Variants in PBRM1 observed in about 807,000 individuals in gnomAD.
PBRM1 encodes polybromo 1.
In PBRM1, 27 loss-of-function variants were observed where a neutral mutation model predicts 194.5. The ratio of observed to expected loss-of-function variants is 0.14; its 90% confidence interval spans 0.10 to 0.19. The LOEUF (loss-of-function observed/expected upper bound fraction) is 0.19, where lower values mean the gene tolerates loss of function less well. Ranked by LOEUF, PBRM1 falls within the 10% of genes least tolerant of loss-of-function variation. PBRM1 has a pLI of 1.00. For synonymous variants in PBRM1, 655 were observed against 693.2 expected (o/e 0.94, Z 0.87); for missense variants, 1,466 against 2,077.2 (o/e 0.71, Z 5.72).
intron 4 of PBRM1, among the ~76,000 whole-genome samples, chr3:52,660,073 AGAGCAAGACACTGTCTC>A (rs1372530412): frequency 3.3e-5 from 5 of 152,254 alleles, no homozygotes; most frequent in Admixed American, 6.5e-5. Flanking sequence ...CCTGGGCCAA[AGAGCAAGACACTGTCTC>A]AAAAAAACAA....
chr3:52,677,232 A>G (rs1036775154), intron 2 of PBRM1, among the ~76,000 whole-genome samples: 1 of 152,148 alleles, frequency 6.6e-6, no homozygotes, highest in Admixed American at 6.5e-5. Flanking sequence ...CCTTTTGTAC[A>G]TCTAAGGACA....
At chr3:52,626,498 C>T (rs766899328) in intron 13 of PBRM1, among the ~76,000 whole-genome samples, 1 of 152,158 alleles carries the variant, frequency 6.6e-6, no homozygotes, top group Non-Finnish European at 1.5e-5. Flanking sequence ...TTAGCTTATT[C>T]CTTATTGAAG....
chr3:52,615,574 C>T lies in PBRM1; in HGVS notation c.1819-118G>A, dbSNP rs1004143631. 5 of 638,038 alleles carry T rather than the reference C, an allele frequency of 7.8e-6. No homozygotes were observed. In the African/African-American group the frequency reaches 9.1e-5, roughly 12 times the overall value. 39.5% of individuals were successfully genotyped at this position (638,038 alleles called of 1,614,324 possible). A position where few individuals can be genotyped will look rare whatever the true frequency, so the allele number is the denominator to read the frequency against. ...TGATAGTTGGGAGCTTAAAGAAAAC[C>T]AAAACCAGCCTCACTACAGAGCAAT... On this transcript the variant is annotated intron_variant, in intron 14 of 29. Coordinates refer to ENST00000296302, the Ensembl canonical transcript of PBRM1.
intron 6 of PBRM1, 113 bp downstream of exon 7, chr3:52,651,629 C>T (rs948152159): frequency 2.0e-6 from 1 of 506,634 alleles, no homozygotes; most frequent in Admixed American, 3.3e-5. Flanking sequence ...ACATGATTTG[C>T]TAATAACCCC....
At chr3:52,550,799 A>G (rs1228651034) in exon 28 of PBRM1, 1 of 1,609,610 alleles carries the variant, frequency 6.2e-7, no homozygotes, top group Admixed American at 1.7e-5. Context: ...CATAGGGGCC[A>G]CTCCTTGGTT....
chr3:52,567,967 T>G (rs1324736497), intron 22 of PBRM1, among the ~76,000 whole-genome samples: 2 of 151,872 alleles, frequency 1.3e-5, no homozygotes, highest in Non-Finnish European at 2.9e-5. Flanking sequence ...TTTCATTTGT[T>G]TAAGAATCAC....
At chr3:52,559,589 T>C (rs187862455) in intron 25 of PBRM1, among the ~76,000 whole-genome samples, 52 of 152,240 alleles carry the variant, frequency 3.4e-4, no homozygotes, top group Non-Finnish European at 6.3e-4. Flanking sequence ...ATAAACCCTT[T>C]AACATGGAAC....
intron 16 of PBRM1, among the ~76,000 whole-genome samples, chr3:52,604,413 T>A (rs2094205763): frequency 6.6e-6 from 1 of 152,152 alleles, no homozygotes; most frequent in South Asian, 2.1e-4. Flanking sequence ...ATTTATGAAA[T>A]AAAGCGGCCA....
At chr3:52,670,795 T>A (rs1321010091) in intron 2 of PBRM1, among the ~76,000 whole-genome samples, 1 of 152,198 alleles carries the variant, frequency 6.6e-6, no homozygotes, top group Non-Finnish European at 1.5e-5. Context: ...AGGTCAAGGC[T>A]GTAGTGTGCA....
At chr3:52,574,986 G>A (rs1159301152) in intron 22 of PBRM1, among the ~76,000 whole-genome samples, 1 of 151,506 alleles carries the variant, frequency 6.6e-6, no homozygotes, top group Non-Finnish European at 1.5e-5. Context: ...CTGCAGCCTC[G>A]ACCTCCCTGG....
intron 26 of PBRM1, 118 bp from the exon 29 acceptor site, chr3:52,554,997 A>G (rs2081932172): frequency 4.3e-6 from 3 of 698,218 alleles, no homozygotes; most frequent in South Asian, 2.0e-5. Context: ...ACTGCATGAT[A>G]TAACAGCAAT....
At chr3:52,637,184 A>G (rs1054239203) in intron 10 of PBRM1, among the ~76,000 whole-genome samples, 14 of 152,194 alleles carry the variant, frequency 9.2e-5, no homozygotes, top group African/African-American at 3.4e-4. Context: ...CATCTTTTAA[A>G]AAAACTGTCA....
At chr3:52,620,528 G>A (rs2095227032) in intron 13 of PBRM1, among the ~76,000 whole-genome samples, 1 of 152,190 alleles carries the variant, frequency 6.6e-6, no homozygotes, top group Non-Finnish European at 1.5e-5. Flanking sequence ...TTTTCTGTAT[G>A]AAGCTGCAAA....
chr3:52,625,575 CTT>C (rs747413256), intron 13 of PBRM1, among the ~76,000 whole-genome samples: 18 of 138,516 alleles, frequency 1.3e-4, no homozygotes, highest in Admixed American at 1.5e-4. Flanking sequence ...TAATGCTTAA[CTT>C]TTTTTTTTTT....
At chr3:52,603,089 T>A (rs1047029197) in intron 17 of PBRM1, among the ~76,000 whole-genome samples, 1 of 152,214 alleles carries the variant, frequency 6.6e-6, no homozygotes, top group Non-Finnish European at 1.5e-5. Context: ...TTTCTCCAGG[T>A]ATGTGATTCA....
At chr3:52,679,526 G>C (rs2154064974) in intron 1 of PBRM1, 48 bp downstream of exon 2, 1 of 1,543,494 alleles carries the variant, frequency 6.5e-7, no homozygotes, top group Non-Finnish European at 8.9e-7. Flanking sequence ...GGAAGATAGG[G>C]GAATTGTGGG....
chr3:52,622,551 A>C (rs1278953997), intron 13 of PBRM1, among the ~76,000 whole-genome samples: 6 of 152,190 alleles, frequency 3.9e-5, no homozygotes, highest in Admixed American at 3.9e-4. Flanking sequence ...AATTTGCACA[A>C]AGTTTATGCA....
chr3:52,640,516 C>T (rs1577320805), intron 10 of PBRM1, among the ~76,000 whole-genome samples: 1 of 152,002 alleles, frequency 6.6e-6, no homozygotes, highest in Non-Finnish European at 1.5e-5. Context: ...AGCAATCCTC[C>T]CACCTAGGCC....
At chr3:52,576,201 T>G (rs991471251) in intron 22 of PBRM1, among the ~76,000 whole-genome samples, 8 of 152,008 alleles carry the variant, frequency 5.3e-5, no homozygotes, top group African/African-American at 1.4e-4. Context: ...CCAAATCTGA[T>G]GAAAGACATG....
Sources: gnomAD v4.1 joint callset for allele counts (sites outside exome capture counted in the v4.1 genomes callset) on GRCh38, gnomAD v4.1.1 for gene constraint, MANE v1.5 for transcripts, NCBI Gene and HGNC (gene_info 2026-07-23, HGNC 2026-07-21) for gene names.